The following NXPH1 variants were observed in gnomAD, a reference collection of about 807,000 sequenced individuals.
NXPH1 encodes neurexophilin-1.
A neutral mutation model predicts 23.7 loss-of-function variants in NXPH1; 5 were observed. The observed-to-expected ratio is 0.21, with a 90% CI of 0.11 to 0.44. The LOEUF (loss-of-function observed/expected upper bound fraction) is 0.44, where lower values mean the gene tolerates loss of function less well. Ranked by LOEUF, NXPH1 falls within the 20% of genes least tolerant of loss-of-function variation. The probability of loss-of-function intolerance (pLI) is 0.99; values close to 1 mark genes in which losing one functional copy is unlikely to be tolerated. For missense variants in NXPH1, 324 were observed against 321.6 expected, an observed-to-expected ratio of 1.01 and a Z score of -0.06; for synonymous variants, 144 against 122.2, an observed-to-expected ratio of 1.18 and a Z score of -1.18.
At chr7:8,454,251 A>AT (rs1816553363) in intron 2 of NXPH1, among the ~76,000 whole-genome samples, 1 of 152,128 alleles carries the variant, frequency 6.6e-6, no homozygotes, top group South Asian at 2.1e-4. Flanking sequence ...TAAAAAAGGA[A>AT]TTTGTCGAAT....
Position 8,710,640 on chromosome 7 carries a change from GTTTTTTGTTTTTTTTT to G in NXPH1, c.55-40361_55-40346del, listed in dbSNP as rs1452914180. On this transcript the variant is annotated intron_variant, in intron 2 of 2. Coordinates refer to ENST00000405863, the MANE Select transcript of NXPH1 (RefSeq NM_152745.3). Reference sequence around the variant, plus strand: ...TTGAACAAAGCATGTCAACTGTTACGTTTTTTGTTTTTTTTTTTTTTTTTTTTTTTTTTGAGACGGA... The same window carrying G: ...TTGAACAAAGCATGTCAACTGTTACGTTTTTTTTTTTTTTTTTGAGACGGA... 1.4e-4 allele frequency among the ~76,000 whole-genome samples: 4 copies of G among 27,672 alleles called. 1 individual carries two copies. Among genetic ancestry groups the G allele is most frequent in the African/African-American group, 3.2e-4 (2 of 6,236 alleles). The allele number at this position is 27,672 out of a possible 152,430, so 18.2% of individuals were successfully genotyped here.
chr7:8,452,310 T>C (rs1323157865), intron 2 of NXPH1, among the ~76,000 whole-genome samples: 2 of 152,218 alleles, frequency 1.3e-5, no homozygotes, highest in East Asian at 1.9e-4. Flanking sequence ...CTTTTTGATA[T>C]ACTCTTTCTT....
chr7:8,750,864 C>T (rs531343814), intron 2 of NXPH1, 144 bp from the exon 3 acceptor site: 1 of 738,170 alleles, frequency 1.4e-6, no homozygotes. Context: ...TAGATCTCTG[C>T]TTTGGGTGTT....
intron 2 of NXPH1, among the ~76,000 whole-genome samples, chr7:8,506,027 G>C (rs1238295204): frequency 6.6e-6 from 1 of 152,076 alleles, no homozygotes; most frequent in African/African-American, 2.4e-5. Context: ...TTTACCAAAA[G>C]CATTCAAGAG....
At chr7:8,665,483 G>A (rs1048255784) in intron 2 of NXPH1, among the ~76,000 whole-genome samples, 4 of 151,866 alleles carry the variant, frequency 2.6e-5, no homozygotes, top group African/African-American at 9.7e-5. Context: ...GTTCAAGATT[G>A]CTTTGGCCAT....
At chr7:8,477,383 A>G (rs77796672) in intron 2 of NXPH1, among the ~76,000 whole-genome samples, 4,178 of 152,072 alleles carry the variant, frequency 0.027, 88 homozygotes, top group Middle Eastern at 0.048. Flanking sequence ...ATTGATGGCT[A>G]TAGATCATCA....
Position 8,433,751 on chromosome 7 carries a change from C to G in NXPH1, c.-1115C>G, listed in dbSNP as rs892596274. On this transcript the variant is annotated 5_prime_UTR_variant, in exon 1 of 3. Coordinates refer to ENST00000405863, the MANE Select transcript of NXPH1 (RefSeq NM_152745.3). This position sits in a 1 kb window ranked among gnomAD's most constrained non-coding sequence, Gnocchi z 6.8. ...TGCACCCTCCCGCGCCCTTCCCCGC[C>G]CTACGCGACTCCCGGCTGCTCTTCC... is the stretch of plus-strand genomic sequence containing the variant. 6.6e-5 allele frequency among the ~76,000 whole-genome samples: 10 copies of G among 152,048 alleles called. No individual in the cohort carries two copies. The highest frequency in any genetic ancestry group is 2.2e-4 in the African/African-American group (9 of 41,428).
intron 2 of NXPH1, among the ~76,000 whole-genome samples, chr7:8,532,284 A>T (rs774845245): frequency 3.9e-5 from 6 of 152,134 alleles, no homozygotes; most frequent in African/African-American, 4.8e-5. Flanking sequence ...ACAACACAGG[A>T]TATAATTAAA....
chr7:8,679,789 A>C (rs1457985719), intron 2 of NXPH1, among the ~76,000 whole-genome samples: 1 of 152,208 alleles, frequency 6.6e-6, no homozygotes, highest in Non-Finnish European at 1.5e-5. Context: ...TTGGGAGGCC[A>C]AGGTGGGCAG....
intron 2 of NXPH1, among the ~76,000 whole-genome samples, chr7:8,455,624 A>G (rs902695767): frequency 6.6e-6 from 1 of 152,166 alleles, no homozygotes; most frequent in Non-Finnish European, 1.5e-5. Flanking sequence ...TAATTCCCAG[A>G]AAGGATCAGA....
At chr7:8,742,905 A>T (rs545313047) in intron 2 of NXPH1, among the ~76,000 whole-genome samples, 1 of 152,210 alleles carries the variant, frequency 6.6e-6, no homozygotes, top group Non-Finnish European at 1.5e-5. Context: ...TTGAGTTTCC[A>T]TATCTCTTCA....
rs564140321 is a variant in NXPH1 at position 8,435,359 on chromosome 7, C to A, written c.-110-245C>A. On this transcript the variant is annotated intron_variant, in intron 1 of 2. Transcript: ENST00000405863. The surrounding 1 kb of genome is among the most constrained non-coding windows in gnomAD (Gnocchi z 5.9). ...GTGCTCCGCCGCCTGGGAACTCGCA[C>A]CCGAGGAGCGCAGGGGGCAAGGAGC... 5.8e-4 allele frequency: 203 copies of A among 349,980 alleles called. 1 individual carries two copies. In the East Asian group the frequency reaches 0.012, roughly 21 times the overall value. 21.7% of individuals were successfully genotyped at this position (349,980 alleles called of 1,614,324 possible).
intron 2 of NXPH1, among the ~76,000 whole-genome samples, chr7:8,508,362 G>A (rs561139400): frequency 6.6e-6 from 1 of 152,146 alleles, no homozygotes; most frequent in South Asian, 2.1e-4. Flanking sequence ...TTTTCCATCT[G>A]CAAAATAGAA....
At chr7:8,660,327 ACTTAC>A (rs898747258) in intron 2 of NXPH1, among the ~76,000 whole-genome samples, 5 of 152,166 alleles carry the variant, frequency 3.3e-5, no homozygotes, top group African/African-American at 1.2e-4. Context: ...AAACTCTTGG[ACTTAC>A]CTTACAACTC....
intron 2 of NXPH1, among the ~76,000 whole-genome samples, chr7:8,616,281 C>T (rs1819736406): frequency 7.8e-6 from 1 of 127,450 alleles, no homozygotes; most frequent in African/African-American, 3.6e-5. Flanking sequence ...TGTTCTCTGC[C>T]CAAACACTTT....
chr7:8,556,719 A>G (rs1439995146), intron 2 of NXPH1, among the ~76,000 whole-genome samples: 1 of 151,748 alleles, frequency 6.6e-6, no homozygotes, highest in Non-Finnish European at 1.5e-5. Context: ...ACAGACTGCT[A>G]TATATTGTGT....
intron 2 of NXPH1, among the ~76,000 whole-genome samples, chr7:8,468,705 C>T (rs1281883308): frequency 6.6e-6 from 1 of 151,982 alleles, no homozygotes; most frequent in African/African-American, 2.4e-5. Context: ...TTCTATGTTG[C>T]TTGCAGGTGA....
chr7:8,660,769 T>C (rs1243562008), intron 2 of NXPH1, among the ~76,000 whole-genome samples: 9 of 152,180 alleles, frequency 5.9e-5, no homozygotes, highest in East Asian at 5.8e-4. Context: ...ATAATAGATA[T>C]GTTAATTTTT....
intron 2 of NXPH1, among the ~76,000 whole-genome samples, chr7:8,542,697 T>TACA (rs1008315559): frequency 1.3e-5 from 2 of 151,572 alleles, no homozygotes; most frequent in African/African-American, 4.8e-5. Context: ...AAATTACTTA[T>TACA]ACAACAATTC....
Sources: gnomAD v4.1 joint callset for allele counts (sites outside exome capture counted in the v4.1 genomes callset) on GRCh38, gnomAD v4.1.1 for gene constraint, Gnocchi (gnomAD v3.1) non-coding constraint, MANE v1.5 for transcripts, NCBI Gene and HGNC (gene_info 2026-07-23, HGNC 2026-07-21) for gene names.